Variants in SNCAIP observed in about 807,000 individuals in gnomAD.
SNCAIP encodes synphilin-1.
In SNCAIP, 43 loss-of-function variants were observed where a neutral mutation model predicts 86.7. The observed-to-expected ratio is 0.50, with a 90% CI of 0.39 to 0.64. SNCAIP has a LOEUF of 0.64. Among genes scored for constraint, SNCAIP ranks in the 30% least tolerant of loss-of-function variants. The probability of loss-of-function intolerance (pLI) is 0.00; values close to 1 mark genes in which losing one functional copy is unlikely to be tolerated. For missense variants in SNCAIP, 981 were observed against 1,103.1 expected, an observed-to-expected ratio of 0.89 and a Z score of 1.57; for synonymous variants, 417 against 427.2, an observed-to-expected ratio of 0.98 and a Z score of 0.29.
intron 5 of SNCAIP, among the ~76,000 whole-genome samples, chr5:122,431,310 C>T (rs1034567122): frequency 6.6e-6 from 1 of 152,090 alleles, no homozygotes; most frequent in African/African-American, 2.4e-5. Flanking sequence ...TTCATAGCAA[C>T]TTTATTCATA....
At chr5:122,397,842 A>G (rs1044857218) in intron 2 of SNCAIP, among the ~76,000 whole-genome samples, 5 of 152,032 alleles carry the variant, frequency 3.3e-5, no homozygotes, top group African/African-American at 1.2e-4. Context: ...TACAAAAGAA[A>G]CTGGAAAGAA....
chr5:122,399,811 T>C (rs546521234), intron 2 of SNCAIP, among the ~76,000 whole-genome samples: 21 of 152,260 alleles, frequency 1.4e-4, no homozygotes, highest in African/African-American at 5.1e-4. Context: ...AGGACAATGA[T>C]TCTACAACTT....
Position 122,338,515 on chromosome 5 carries a change from G to C in SNCAIP, c.-47+26231G>C, listed in dbSNP as rs371424231. ...AATTTATTACTTTTTTATTGTCCTG[G>C]GTATTAAAATGGTCACAGAACTACA... On this transcript the variant is annotated intron_variant, in intron 1 of 10. Transcript: ENST00000261368. Among the ~76,000 whole-genome samples, 106 of 152,040 alleles carry C rather than the reference G, an allele frequency of 7.0e-4. No homozygotes were observed. The South Asian group carries it at 0.022, about 31-fold the overall frequency.
At chr5:122,401,761 C>T (rs1172660350) in intron 2 of SNCAIP, among the ~76,000 whole-genome samples, 5 of 152,124 alleles carry the variant, frequency 3.3e-5, no homozygotes, top group Non-Finnish European at 7.4e-5. Context: ...GGCTAGTGTC[C>T]GCCTGTAACT....
chr5:122,362,394 A>G (rs1365749485), intron 1 of SNCAIP, among the ~76,000 whole-genome samples: 1 of 152,178 alleles, frequency 6.6e-6, no homozygotes, highest in African/African-American at 2.4e-5. Flanking sequence ...TAGAGGAAAC[A>G]TTGGAGATTG....
At chr5:122,435,101 AGATCCCTGGGTGATAGGAATT>A (rs1189505592) in intron 6 of SNCAIP, among the ~76,000 whole-genome samples, 38 of 152,282 alleles carry the variant, frequency 2.5e-4, no homozygotes, top group African/African-American at 8.7e-4. Context: ...CTGAAGTGAT[AGATCCCTGGGTGATAGGAATT>A]GATTTTCTTC....
intron 1 of SNCAIP, among the ~76,000 whole-genome samples, chr5:122,343,087 G>A (rs969325581): frequency 6.6e-6 from 1 of 152,182 alleles, no homozygotes; most frequent in East Asian, 1.9e-4. Context: ...ATGAGTTAAA[G>A]TCATAGAAGT....
chr5:122,462,128 T>C (rs964288873), intron 10 of SNCAIP, among the ~76,000 whole-genome samples: 2 of 152,220 alleles, frequency 1.3e-5, no homozygotes, highest in African/African-American at 2.4e-5. Context: ...TGTGTTAGTA[T>C]ATAGAGAGCT....
At chr5:122,406,758 G>A (rs1021152330) in intron 3 of SNCAIP, among the ~76,000 whole-genome samples, 10 of 152,216 alleles carry the variant, frequency 6.6e-5, no homozygotes, top group African/African-American at 2.2e-4. Context: ...AGCAGAAGCC[G>A]CTATGCTTCC....
chr5:122,409,306 AAATT>A (rs1218511978), intron 3 of SNCAIP, among the ~76,000 whole-genome samples: 4 of 152,354 alleles, frequency 2.6e-5, no homozygotes, highest in East Asian at 1.9e-4. Flanking sequence ...GAGTTTTTAA[AAATT>A]AATTGGGCAT....
chr5:122,463,649 A>T lies in SNCAIP; in HGVS notation c.*153A>T, dbSNP rs1297594104. On this transcript the variant is annotated 3_prime_UTR_variant, in exon 11 of 11. Transcript: ENST00000261368. ...AATTTCTGGACTATCCTCTTTGGAA[A>T]GAGAACCATGAAAACAATGCCTCAC... is the stretch of plus-strand genomic sequence containing the variant. 1 of 747,834 alleles carries T rather than the reference A, an allele frequency of 1.3e-6. No homozygotes were observed. Among genetic ancestry groups the T allele is most frequent in the Non-Finnish European group, 2.2e-6 (1 of 451,570 alleles). 46.3% of individuals were successfully genotyped at this position (747,834 alleles called of 1,614,324 possible).
chr5:122,346,141 T>C (rs1051533107), intron 1 of SNCAIP, among the ~76,000 whole-genome samples: 4 of 152,088 alleles, frequency 2.6e-5, no homozygotes, highest in African/African-American at 9.7e-5. Flanking sequence ...TATGGAGGGA[T>C]ACAAAGATAA....
chr5:122,398,419 TG>T (rs1771079679), intron 2 of SNCAIP, among the ~76,000 whole-genome samples: 1 of 152,148 alleles, frequency 6.6e-6, no homozygotes, highest in Admixed American at 6.5e-5. Flanking sequence ...CTTCCTGAAC[TG>T]GAAGGGCAGG....
intron 10 of SNCAIP, among the ~76,000 whole-genome samples, chr5:122,453,783 A>G (rs1473300964): frequency 1.4e-5 from 2 of 147,680 alleles, no homozygotes; most frequent in Non-Finnish European, 3.0e-5. Flanking sequence ...TTTTGAAGAC[A>G]GAGTCTCACT....
chr5:122,330,303 A>G (rs1235356047), intron 1 of SNCAIP, among the ~76,000 whole-genome samples: 2 of 151,384 alleles, frequency 1.3e-5, no homozygotes, highest in Admixed American at 6.6e-5. Context: ...TTGTATTTTT[A>G]GTAGAGACGG....
chr5:122,352,971 A>C (rs1350587522), intron 1 of SNCAIP, among the ~76,000 whole-genome samples: 2 of 152,282 alleles, frequency 1.3e-5, no homozygotes, highest in African/African-American at 4.8e-5. Context: ...GAACCCTTCT[A>C]CCTGGGAAAT....
chr5:122,406,419 A>T (rs1773002165), intron 3 of SNCAIP, among the ~76,000 whole-genome samples: 1 of 152,146 alleles, frequency 6.6e-6, no homozygotes. Flanking sequence ...CTCAGGGGAA[A>T]CTTCCTCAAC....
rs1291322153 is a variant in SNCAIP, at chr5:122,423,264, G to T, written c.527G>T (p.Arg176Ile). The change falls in exon 4 of 11, where the codon AGA (arginine) becomes ATA (isoleucine). Residue 176 changes from arginine (R) to isoleucine (I), a missense_variant. Coordinates refer to ENST00000261368, the MANE Select transcript of SNCAIP (RefSeq NM_005460.4). ...ASFTKVTSEK[R>I]ILGLCTTING... ...TTTACCAAGGTGACTTCAGAAAAAA[G>T]AATTTTGGGCTTATGCACAACCATC... 1 of 1,614,056 alleles carries T rather than the reference G, an allele frequency of 6.2e-7. No individual in the cohort carries two copies. The highest frequency in any genetic ancestry group is 1.7e-5 in the Admixed American group (1 of 59,994).
At position 122,329,406 on chromosome 5, in the gene SNCAIP, C is replaced by T. The variant is rs549666194; in HGVS notation, c.-47+17122C>T. On this transcript the variant is annotated intron_variant, in intron 1 of 10. Transcript: ENST00000261368. ...TGAACCTCCCGGTGTCTCCCAATAT[C>T]GAAACACTCAAAAAGCCTTGCCTTA... Among the ~76,000 whole-genome samples the T allele has an allele frequency of 2.6e-5, 4 of 152,230 alleles. No individual in the cohort carries two copies. The East Asian group carries it at 5.8e-4, about 22-fold the overall frequency.
Sources: gnomAD v4.1 joint callset for allele counts (sites outside exome capture counted in the v4.1 genomes callset) on GRCh38, gnomAD v4.1.1 for gene constraint, MANE v1.5 for transcripts, NCBI Gene and HGNC (gene_info 2026-07-23, HGNC 2026-07-21) for gene names.